Variants in IGFN1 observed in about 807,000 individuals in gnomAD.
IGFN1 encodes the protein immunoglobulin-like and fibronectin type III domain-containing protein 1.
IGFN1 carries 253 observed loss-of-function variants against 289.5 expected under a neutral mutation model. That is an observed-to-expected ratio of 0.87 (90% confidence interval 0.79 to 0.97). IGFN1 has a LOEUF of 0.97. Ranked by LOEUF, IGFN1 falls within the 50% of genes least tolerant of loss-of-function variation. The probability of loss-of-function intolerance (pLI) is 0.00; values close to 1 mark genes in which losing one functional copy is unlikely to be tolerated. For missense variants in IGFN1, 4,470 were observed against 4,686.1 expected (o/e 0.95, Z 1.35); for synonymous variants, 1,706 against 1,788.5 (o/e 0.95, Z 1.16).
At position 201,221,511 on chromosome 1, in the gene IGFN1, G is replaced by A; in HGVS notation, c.9966G>A (p.Trp3322Ter). ...DRSNTSITLS[W>*]AGPDTQEGDE... Reference sequence around the variant, plus strand: ...CGAACACCAGCATCACTCTGAGCTGGGCTGGGCCAGACACCCAGGAAGGGG... The same window carrying A: ...CGAACACCAGCATCACTCTGAGCTGAGCTGGGCCAGACACCCAGGAAGGGG... Residue 3322 changes from tryptophan (W) to a stop codon, truncating the protein, a stop_gained, in exon 19 of 24, where the codon TGG (tryptophan) becomes TGA (stop). Coordinates refer to ENST00000335211, the MANE Select transcript of IGFN1 (RefSeq NM_001164586.2). LOFTEE classifies it high-confidence loss of function. 6.2e-7 allele frequency: 1 copy of A among 1,613,884 alleles called. No homozygotes were observed. Among genetic ancestry groups the A allele is most frequent in the South Asian group, 1.1e-5 (1 of 91,006 alleles).
Position 201,227,133 on chromosome 1 carries a change from G to T in IGFN1, c.11038G>T (p.Asp3680Tyr). The T allele has an allele frequency of 6.2e-7, 1 of 1,613,396 alleles. No homozygotes were observed. The highest frequency in any genetic ancestry group is 8.5e-7 in the Non-Finnish European group (1 of 1,179,982). The change falls in exon 23 of 24, where the codon GAC becomes TAC. Residue 3680 changes from aspartate (D) to tyrosine (Y), a missense_variant. Physicochemically the swap from Asp to Tyr is radical, Grantham distance 160. This residue lies in a region of IGFN1 where 2,218 missense variants were observed against 2,114.1 expected (regional missense o/e 1.05). Coordinates refer to ENST00000335211, the MANE Select transcript of IGFN1 (RefSeq NM_001164586.2). ...SLTIPSVSPK[D>Y]SGEYKAVAEN... is the part of the protein sequence containing the mutation. ...CACCATCCCCAGCGTATCCCCGAAG[G>T]ACAGCGGGGAGTACAAGGCTGTGGC...
At position 201,221,698 on chromosome 1, in the gene IGFN1, A is replaced by G. The variant is rs1653748110; in HGVS notation, c.10153A>G (p.Ser3385Gly). Residue 3385 changes from serine (S) to glycine (G), a missense_variant, in exon 19 of 24, where the codon AGC becomes GGC. This residue lies in a region of IGFN1 where 2,218 missense variants were observed against 2,114.1 expected (regional missense o/e 1.05). Transcript: ENST00000335211. The part of the protein sequence containing the change: ...RVTAVNEGGQ[S>G]QPSALDTLVQ... ...GACAGCAGTTAATGAAGGAGGCCAGAGCCAGCCCAGTGCCCTGGACACATT... is the reference window on the plus strand; with the variant it reads ...GACAGCAGTTAATGAAGGAGGCCAGGGCCAGCCCAGTGCCCTGGACACATT... The G allele has an allele frequency of 6.2e-7, 1 of 1,612,838 alleles. No individual in the cohort carries two copies. The highest frequency in any genetic ancestry group is 8.5e-7 in the Non-Finnish European group (1 of 1,179,296).
chr1:201,205,993 G>C, intron 11 of IGFN1, 90 bp from the exon 12 acceptor site: 1 of 959,774 alleles, frequency 1.0e-6, no homozygotes, highest in Non-Finnish European at 1.6e-6. Flanking sequence ...TCAGGCAGGT[G>C]CTTTGGCCGG....
chr1:201,200,415 C>T lies in IGFN1; in HGVS notation c.633+4C>T. The stretch of plus-strand genomic sequence containing the variant: ...ACAGGAGGACAAGATGGCACAGGTG[C>T]CTCACCCCATTCCCACCCCTCACTC... On this transcript the variant is annotated splice_donor_region_variant and intron_variant, in intron 8 of 23. Coordinates refer to ENST00000335211, the MANE Select transcript of IGFN1 (RefSeq NM_001164586.2). 3 of 1,550,424 alleles carry T rather than the reference C, an allele frequency of 1.9e-6. No homozygotes were observed. The highest frequency in any genetic ancestry group is 1.7e-6 in the Non-Finnish European group (2 of 1,146,060).
At position 201,201,847 on chromosome 1, in the gene IGFN1, GCT is replaced by G; in HGVS notation, c.747+16_747+17del. 1 of 1,145,526 alleles carries G rather than the reference GCT, an allele frequency of 8.7e-7. No individual in the cohort carries two copies. Among genetic ancestry groups the G allele is most frequent in the Non-Finnish European group, 1.3e-6 (1 of 777,812 alleles). The allele number at this position is 1,145,526 out of a possible 1,614,324, so 71.0% of individuals were successfully genotyped here. ...ACCTGTATAAGGTGAGGCTGGAGGG[GCT>G]ATGGGTGGGGGGGATCTGGCAGGGA... On this transcript the variant is annotated intron_variant, in intron 9 of 23. Transcript: ENST00000335211.
intron 9 of IGFN1, among the ~76,000 whole-genome samples, 162 bp downstream of exon 9, chr1:201,201,994 C>T (rs1360408078): frequency 1.3e-5 from 2 of 152,156 alleles, no homozygotes; most frequent in Non-Finnish European, 1.5e-5. Flanking sequence ...CTGGACCAAA[C>T]CCTGGTGTAG....
At chr1:201,222,514 C>T in intron 19 of IGFN1, 1 of 455,884 alleles carries the variant, frequency 2.2e-6, no homozygotes, top group African/African-American at 2.0e-5. Flanking sequence ...CCTTTCTCAG[C>T]TCCTGTCCCT....
At chr1:201,216,433 C>T in intron 15 of IGFN1, 21 bp from the exon 16 acceptor site, 4 of 1,522,640 alleles carry the variant, frequency 2.6e-6, no homozygotes, top group Non-Finnish European at 3.5e-6. Context: ...CCTCTTCCCG[C>T]TCCTCTCTGT....
At position 201,223,571 on chromosome 1, in the gene IGFN1, G is replaced by A. The variant is rs1208318074; in HGVS notation, c.10290+744G>A. ...TTTTTAGTAGAGATGGGGTTTCGCC[G>A]TGTTGGCCAGGCTGGCCTCTCAAAC... On this transcript the variant is annotated intron_variant, in intron 20 of 23. Transcript: ENST00000335211. 4.6e-5 allele frequency among the ~76,000 whole-genome samples: 7 copies of A among 152,108 alleles called. No homozygotes were observed. In the South Asian group the frequency reaches 6.2e-4, roughly 14 times the overall value.
At position 201,216,041 on chromosome 1, in the gene IGFN1, C is replaced by T. The variant is rs958651425; in HGVS notation, c.9295+203C>T. ...AGATGAACACAGTGCTGGGCTCCTG[C>T]TGGGGGGGAGGAGCCGGTTATGCTT... On this transcript the variant is annotated intron_variant, in intron 15 of 23. Transcript: ENST00000335211. 3 of 729,562 alleles carry T rather than the reference C, an allele frequency of 4.1e-6. No individual in the cohort carries two copies. The African/African-American group carries it at 5.2e-5, about 13-fold the overall frequency. 45.2% of individuals were successfully genotyped at this position (729,562 alleles called of 1,614,324 possible). A position where few individuals can be genotyped will look rare whatever the true frequency, so the allele number is the denominator to read the frequency against.
Position 201,194,117 on chromosome 1 carries a change from T to A in IGFN1, c.8-37T>A, listed in dbSNP as rs907799523. The A allele has an allele frequency of 1.9e-6, 3 of 1,547,854 alleles. No homozygotes were observed. The African/African-American group carries it at 4.1e-5, about 21-fold the overall frequency. On this transcript the variant is annotated intron_variant, in intron 2 of 23. Transcript: ENST00000335211. ...GAAGGGCCACCCAGGAGGAAGAAGG[T>A]GGAAGGCCCCATCTCCTTCCCTCCT...
intron 3 of IGFN1, 130 bp downstream of exon 3, chr1:201,194,403 C>T (rs973264901): frequency 1.0e-6 from 1 of 974,898 alleles, no homozygotes; most frequent in South Asian, 1.7e-5. Context: ...TAGCCCATCT[C>T]CCTCCTATCC....
At position 201,208,058 on chromosome 1, in the gene IGFN1, G is replaced by T. The variant is rs752893715; in HGVS notation, c.3165G>T (p.Arg1055Ser). ...ATGGAGCACCCATGAATGACACCAG[G>T]AATTGGGCCTCTGCATGCCAGGCAG... ...GPDGAPMNDT[R>S]NWASACQAGM... is the part of the protein sequence containing the mutation. The change falls in exon 12 of 24, where the codon AGG becomes AGT. Residue 1055 changes from arginine (R) to serine (S), a missense_variant. Around this residue, in one of 8 missense-constraint regions of IGFN1, gnomAD observed 2,011 missense variants for 1,953.4 expected, o/e 1.03. Coordinates refer to ENST00000335211, the MANE Select transcript of IGFN1 (RefSeq NM_001164586.2). The T allele has an allele frequency of 6.5e-7, 1 of 1,536,998 alleles. No individual in the cohort carries two copies. Among genetic ancestry groups the T allele is most frequent in the African/African-American group, 1.4e-5 (1 of 73,138 alleles).
Position 201,212,173 on chromosome 1 carries a change from C to T in IGFN1, c.7280C>T (p.Ala2427Val). The T allele has an allele frequency of 6.5e-7, 1 of 1,535,698 alleles. No individual in the cohort carries two copies. Among genetic ancestry groups the T allele is most frequent in the Non-Finnish European group, 8.7e-7 (1 of 1,146,434 alleles). Reference sequence around the variant, plus strand: ...GGACCTGGGGTGGAACCTGGGATGGCTGGAATGCCAGGCACTGCAGGTGGC... The same window carrying T: ...GGACCTGGGGTGGAACCTGGGATGGTTGGAATGCCAGGCACTGCAGGTGGC... ...GAGPGVEPGMAGMPGTAGGMA... is the reference protein window; with the variant it reads ...GAGPGVEPGMVGMPGTAGGMA... Residue 2427 changes from alanine to valine, a missense_variant, in exon 12 of 24, where the codon GCT (alanine) becomes GTT (valine). Ala to Val is a moderately conservative substitution (Grantham distance 64). Around this residue, in one of 8 missense-constraint regions of IGFN1, gnomAD observed 2,218 missense variants for 2,114.1 expected, o/e 1.05. Coordinates refer to ENST00000335211, the MANE Select transcript of IGFN1 (RefSeq NM_001164586.2).
Position 201,206,435 on chromosome 1 carries a change from G to C in IGFN1, c.1542G>C (p.Trp514Cys). ...RENQSHREGG[W>C]ARSLAERPHL... is the part of the protein sequence containing the mutation. ...ATCAATCCCACAGAGAGGGAGGCTG[G>C]GCCAGAAGCCTTGCAGAGAGGCCCC... The change falls in exon 12 of 24, where the codon TGG becomes TGC. Residue 514 changes from tryptophan to cysteine, a missense_variant. This residue lies in a region of IGFN1 where 2,011 missense variants were observed against 1,953.4 expected (regional missense o/e 1.03). Coordinates refer to ENST00000335211, the MANE Select transcript of IGFN1 (RefSeq NM_001164586.2). 6.4e-7 allele frequency: 1 copy of C among 1,551,166 alleles called. No homozygotes were observed. Among genetic ancestry groups the C allele is most frequent in the Non-Finnish European group, 8.7e-7 (1 of 1,146,978 alleles).
chr1:201,193,232 C>T lies in IGFN1; in HGVS notation c.-47-15C>T, dbSNP rs12069088. 6,017 of 1,295,420 alleles carry T rather than the reference C, an allele frequency of 4.6e-3. 100 individuals carry two copies. Among genetic ancestry groups the T allele is most frequent in the East Asian group, 0.038 (1,524 of 39,894 alleles). 80.2% of individuals were successfully genotyped at this position (1,295,420 alleles called of 1,614,324 possible). ...AGCCTGGATTTCTCAAAAGCAATTC[C>T]ATTTCTGTTCTCAGGGTAATAGAAC... is the stretch of plus-strand genomic sequence containing the variant. On this transcript the variant is annotated splice_polypyrimidine_tract_variant and intron_variant, in intron 1 of 23. Transcript: ENST00000335211.
In IGFN1 at chr1:201,225,967, T is replaced by G. The variant is rs747045400; in HGVS notation, c.10630T>G (p.Trp3544Gly). 2.1e-5 allele frequency: 33 copies of G among 1,579,708 alleles called. No individual in the cohort carries two copies. The African/African-American group carries it at 3.9e-4, about 19-fold the overall frequency. Residue 3544 changes from tryptophan to glycine, a missense_variant, in exon 22 of 24, where the codon TGG becomes GGG. Physicochemically the swap from Trp to Gly is radical, Grantham distance 184. This residue lies in a region of IGFN1 where 2,218 missense variants were observed against 2,114.1 expected (regional missense o/e 1.05). Transcript: ENST00000335211. ...VFTRSSAHGP[W>G]HEAADRIHTN... ...CACACGCTCCTCAGCGCACGGTCCCTGGCACGAGGCAGCCGACCGCATCCA... is the reference window on the plus strand; with the variant it reads ...CACACGCTCCTCAGCGCACGGTCCCGGGCACGAGGCAGCCGACCGCATCCA...
chr1:201,209,466 G>T lies in IGFN1; in HGVS notation c.4573G>T (p.Val1525Leu). 6.5e-7 allele frequency: 1 copy of T among 1,536,690 alleles called. No homozygotes were observed. The highest frequency in any genetic ancestry group is 1.2e-5 in the South Asian group (1 of 84,000). The change falls in exon 12 of 24, where the codon GTG becomes TTG. Residue 1525 changes from valine to leucine, a missense_variant. By Grantham distance (32) the Val-to-Leu change is conservative (BLOSUM62 1). Around this residue, in one of 8 missense-constraint regions of IGFN1, gnomAD observed 2,011 missense variants for 1,953.4 expected, o/e 1.03. Transcript: ENST00000335211. ...GGLGSGEMGS[V>L]DKAGYRKDLG... ...CTTAGGTTCTGGGGAAATGGGGTCT[G>T]TGGATAAGGCAGGCTATAGGAAGGA...
chr1:201,219,136 G>A (rs914685346), intron 18 of IGFN1, among the ~76,000 whole-genome samples: 1 of 151,958 alleles, frequency 6.6e-6, no homozygotes, highest in Non-Finnish European at 1.5e-5. Flanking sequence ...CAGCCCCCAA[G>A]CTGGCCCACC....
Sources: gnomAD v4.1 joint callset for allele counts (sites outside exome capture counted in the v4.1 genomes callset) on GRCh38, gnomAD v4.1.1 for gene constraint, gnomAD v4.1.1 regional missense constraint, MANE v1.5 for transcripts, NCBI Gene and HGNC (gene_info 2026-07-23, HGNC 2026-07-21) for gene names.